VIT: variants seen among roughly 807,000 people sequenced by gnomAD.
VIT encodes vitrin.
In VIT, 99 loss-of-function variants were observed where a neutral mutation model predicts 78.0. The ratio of observed to expected loss-of-function variants is 1.27; its 90% confidence interval spans 1.08 to 1.50. VIT has a LOEUF of 1.50. Ranked by LOEUF, VIT falls within the 40% of genes most tolerant of loss-of-function variation. The pLI, the probability that VIT is intolerant of heterozygous loss-of-function variation, is 0.00. For missense variants in VIT, 1,126 were observed against 875.3 expected, an observed-to-expected ratio of 1.29 and a Z score of -3.61; for synonymous variants, 374 against 334.3, an observed-to-expected ratio of 1.12 and a Z score of -1.29.
chr2:36,754,899 A>G (rs1457456624), intron 4 of VIT, 22 bp from the exon 5 acceptor site: 1 of 1,600,980 alleles, frequency 6.2e-7, no homozygotes. Context: ...CTTTCCTGAA[A>G]AATTATTTTT....
chr2:36,697,882 C>G (rs1031550189), intron 1 of VIT, among the ~76,000 whole-genome samples: 5 of 152,128 alleles, frequency 3.3e-5, no homozygotes, highest in African/African-American at 4.8e-5. Context: ...AGTATTTTGC[C>G]GTTACGTTGT....
chr2:36,751,919 A>C (rs1668488100), intron 4 of VIT, among the ~76,000 whole-genome samples: 1 of 152,216 alleles, frequency 6.6e-6, no homozygotes, highest in East Asian at 1.9e-4. Context: ...TTTCACAAAC[A>C]GTGCAAATCT....
At chr2:36,747,793 ATGT>A (rs1355538065) in intron 4 of VIT, among the ~76,000 whole-genome samples, 1 of 152,170 alleles carries the variant, frequency 6.6e-6, no homozygotes, top group Admixed American at 6.5e-5. Flanking sequence ...CCTGATCATA[ATGT>A]TGTCAGCTGG....
At position 36,758,834 on chromosome 2, in the gene VIT, T is replaced by C. The variant is rs113023893; in HGVS notation, c.410-135T>C. On this transcript the variant is annotated intron_variant, in intron 5 of 15. Coordinates refer to ENST00000379242, the MANE Select transcript of VIT (RefSeq NM_053276.4). ...ACATGACATTCTCATTGTAATCAAC[T>C]ATTCAGCATGAGGGAGACTGATTTT... is the stretch of plus-strand genomic sequence containing the variant. 1.5e-3 allele frequency: 1,152 copies of C among 776,724 alleles called. 13 individuals carry two copies. The African/African-American group carries it at 0.018, about 12-fold the overall frequency. 48.1% of individuals were successfully genotyped at this position (776,724 alleles called of 1,614,324 possible). A position where few individuals can be genotyped will look rare whatever the true frequency, so the allele number is the denominator to read the frequency against.
At chr2:36,775,233 C>A (rs1197269723) in intron 9 of VIT, among the ~76,000 whole-genome samples, 166 bp downstream of exon 9, 1 of 152,208 alleles carries the variant, frequency 6.6e-6, no homozygotes, top group Non-Finnish European at 1.5e-5. Flanking sequence ...GAAAATGTCT[C>A]TTTGATTGAT....
chr2:36,766,421 A>G (rs569931246), intron 6 of VIT, among the ~76,000 whole-genome samples: 1 of 152,290 alleles, frequency 6.6e-6, no homozygotes, highest in South Asian at 2.1e-4. Flanking sequence ...AGTCCCAGCT[A>G]CTTGGGAGGT....
At chr2:36,797,554 G>C (rs1393134095) in intron 12 of VIT, among the ~76,000 whole-genome samples, 1 of 152,198 alleles carries the variant, frequency 6.6e-6, no homozygotes. Context: ...GGGTGGATCA[G>C]GCTTGGAAGA....
intron 1 of VIT, among the ~76,000 whole-genome samples, chr2:36,698,983 T>C (rs1277793964): frequency 7.3e-5 from 9 of 122,642 alleles, no homozygotes; most frequent in Admixed American, 6.5e-4. Context: ...AAATGTAATC[T>C]TTTATTCCCC....
intron 1 of VIT, among the ~76,000 whole-genome samples, chr2:36,697,593 G>A (rs563362539): frequency 1.3e-5 from 2 of 152,314 alleles, no homozygotes; most frequent in East Asian, 3.9e-4. Context: ...GTCTGCCATC[G>A]TAGCTCAGCT....
chr2:36,792,935 T>A (rs1458237099), intron 12 of VIT, among the ~76,000 whole-genome samples: 1 of 152,192 alleles, frequency 6.6e-6, no homozygotes, highest in Non-Finnish European at 1.5e-5. Context: ...TACTAAAGCA[T>A]CCTCTAAGAC....
chr2:36,791,044 G>C (rs778111994), intron 12 of VIT, among the ~76,000 whole-genome samples: 2 of 152,168 alleles, frequency 1.3e-5, no homozygotes, highest in Non-Finnish European at 2.9e-5. Context: ...CCCCATCTCA[G>C]TATAAATGGA....
intron 3 of VIT, among the ~76,000 whole-genome samples, chr2:36,736,453 T>C (rs757850916): frequency 6.6e-6 from 1 of 152,164 alleles, no homozygotes; most frequent in Non-Finnish European, 1.5e-5. Context: ...CCTGGCAAAG[T>C]GTCCGTGCTA....
intron 1 of VIT, among the ~76,000 whole-genome samples, chr2:36,710,835 G>A (rs1665757351): frequency 6.6e-6 from 1 of 152,120 alleles, no homozygotes; most frequent in East Asian, 1.9e-4. Flanking sequence ...TTCCCAGTTT[G>A]GAGCTATGGG....
chr2:36,757,486 C>A (rs1668839860), intron 5 of VIT, among the ~76,000 whole-genome samples: 1 of 152,048 alleles, frequency 6.6e-6, no homozygotes, highest in South Asian at 2.1e-4. Flanking sequence ...CGTTTTAGAT[C>A]AATAAATAGA....
chr2:36,795,473 C>T (rs867542385), intron 12 of VIT, among the ~76,000 whole-genome samples: 1 of 151,608 alleles, frequency 6.6e-6, no homozygotes, highest in African/African-American at 2.4e-5. Context: ...GTTGCCCTGG[C>T]GCGATCTCAG....
At chr2:36,701,087 A>C (rs1342743102) in intron 1 of VIT, among the ~76,000 whole-genome samples, 1 of 128,358 alleles carries the variant, frequency 7.8e-6, no homozygotes, top group African/African-American at 2.8e-5. Flanking sequence ...ATAATTATCA[A>C]GCCAAGTGAA....
At chr2:36,720,996 G>C (rs1666471590) in intron 2 of VIT, among the ~76,000 whole-genome samples, 1 of 148,794 alleles carries the variant, frequency 6.7e-6, no homozygotes, top group Non-Finnish European at 1.5e-5. Context: ...GGCAACAACA[G>C]CGAGACTCCA....
In VIT at chr2:36,781,763, T is replaced by C. The variant is rs140735063; in HGVS notation, c.839T>C (p.Leu280Ser). Residue 280 changes from leucine (L) to serine (S), a missense_variant, in exon 10 of 16, where the codon TTA becomes TCA. Transcript: ENST00000379242. ...TCATGGAAACCTGGATCGGTCCTTT[T>C]AGATGAAGGTAATTATACAGCCCAA... ...MDSWKPGSVLLDEGLVPKEEL... is the reference protein window; with the variant it reads ...MDSWKPGSVLSDEGLVPKEEL... 3.1e-6 allele frequency: 5 copies of C among 1,614,152 alleles called. No individual in the cohort carries two copies. Among genetic ancestry groups the C allele is most frequent in the South Asian group, 2.2e-5 (2 of 91,082 alleles).
intron 7 of VIT, among the ~76,000 whole-genome samples, chr2:36,768,849 T>A (rs938025695): frequency 6.6e-6 from 1 of 152,222 alleles, no homozygotes; most frequent in Admixed American, 6.5e-5. Flanking sequence ...TTACCAGGTA[T>A]ACTGCATGTA....
Sources: gnomAD v4.1 joint callset for allele counts (sites outside exome capture counted in the v4.1 genomes callset) on GRCh38, gnomAD v4.1.1 for gene constraint, MANE v1.5 for transcripts, NCBI Gene and HGNC (gene_info 2026-07-23, HGNC 2026-07-21) for gene names.